The following NRXN1 variants were observed in gnomAD, a reference collection of about 807,000 sequenced individuals.
NRXN1 encodes neurexin 1.
In NRXN1, 39 loss-of-function variants were observed where a neutral mutation model predicts 150.9. The observed-to-expected ratio is 0.26, with a 90% CI of 0.20 to 0.34. NRXN1 has a LOEUF of 0.34. Ranked by LOEUF, NRXN1 falls within the 10% of genes least tolerant of loss-of-function variation. The pLI is 1.00. For synonymous variants in NRXN1, 924 were observed against 757.0 expected (o/e 1.22, Z -3.62); for missense variants, 1,815 against 1,949.9 (o/e 0.93, Z 1.30).
intron 17 of NRXN1, among the ~76,000 whole-genome samples, chr2:50,316,813 T>C (rs1388468751): frequency 6.6e-6 from 1 of 151,846 alleles, no homozygotes; most frequent in Admixed American, 6.6e-5. Flanking sequence ...TTTAATAAAA[T>C]AGGGTAAAAA....
chr2:50,117,361 T>C (rs1312724301), intron 18 of NRXN1, among the ~76,000 whole-genome samples: 2 of 152,100 alleles, frequency 1.3e-5, no homozygotes, highest in African/African-American at 4.8e-5. Context: ...AACCCAGAGA[T>C]GAATAAGGAG....
At chr2:51,021,159 T>A (rs1669542727) in intron 2 of NRXN1, among the ~76,000 whole-genome samples, 1 of 152,004 alleles carries the variant, frequency 6.6e-6, no homozygotes, top group Admixed American at 6.6e-5. Context: ...CAAAAAACTT[T>A]AAAAAATATA....
At chr2:50,999,447 C>T (rs1274187924) in intron 2 of NRXN1, among the ~76,000 whole-genome samples, 7 of 151,906 alleles carry the variant, frequency 4.6e-5, no homozygotes, top group Admixed American at 4.6e-4. Flanking sequence ...GGAAAAGGAG[C>T]AACACTTCTT....
At chr2:50,528,241 AT>A (rs3052538) in intron 12 of NRXN1, among the ~76,000 whole-genome samples, 1 of 151,118 alleles carries the variant, frequency 6.6e-6, no homozygotes, top group Non-Finnish European at 1.5e-5. Flanking sequence ...GGAATTAAGT[AT>A]TTTTTTTTGT....
At chr2:50,594,462 CATAGAGG>C (rs1224544815) in intron 8 of NRXN1, among the ~76,000 whole-genome samples, 1 of 152,076 alleles carries the variant, frequency 6.6e-6, no homozygotes, top group African/African-American at 2.4e-5. Flanking sequence ...ATGGGTGAGT[CATAGAGG>C]AAGTCATTTG....
chr2:50,165,389 C>T (rs1173639458), intron 18 of NRXN1, among the ~76,000 whole-genome samples: 6 of 152,174 alleles, frequency 3.9e-5, no homozygotes, highest in African/African-American at 1.4e-4. Flanking sequence ...CACTCTGTCA[C>T]CCAGGCTGGA....
intron 17 of NRXN1, among the ~76,000 whole-genome samples, chr2:50,404,198 T>C (rs1252575743): frequency 6.6e-6 from 1 of 152,056 alleles, no homozygotes; most frequent in Non-Finnish European, 1.5e-5. Flanking sequence ...TTGTTGTTGT[T>C]GTTTTTGGTC....
chr2:50,634,231 T>C (rs563994101), intron 5 of NRXN1, among the ~76,000 whole-genome samples: 15 of 152,350 alleles, frequency 9.8e-5, no homozygotes, highest in African/African-American at 3.4e-4. Flanking sequence ...CTCTGTCTAT[T>C]GTGTGGAAAA....
At chr2:49,939,894 G>A (rs1169067952) in intron 22 of NRXN1, among the ~76,000 whole-genome samples, 1 of 152,158 alleles carries the variant, frequency 6.6e-6, no homozygotes, top group Non-Finnish European at 1.5e-5. Context: ...TGTTGAAGCT[G>A]ATAACCCACC....
intron 17 of NRXN1, among the ~76,000 whole-genome samples, chr2:50,287,349 A>G (rs1401352555): frequency 6.6e-6 from 1 of 152,156 alleles, no homozygotes; most frequent in Non-Finnish European, 1.5e-5. Context: ...AGTGCTGGAA[A>G]GCATGAAAAA....
rs1330507998 is a variant in NRXN1 at position 50,364,528 on chromosome 2, A to T, written c.3364+100914T>A. 3.9e-5 allele frequency among the ~76,000 whole-genome samples: 6 copies of T among 152,256 alleles called. No homozygotes were observed. The East Asian group carries it at 9.7e-4, about 24-fold the overall frequency. On this transcript the variant is annotated intron_variant, in intron 17 of 22. Transcript: ENST00000401669. ...CATTGCTACATTATGCCAAATGCTT[A>T]ATTTCCCATTTTATGTTCCCTTGTC...
At chr2:50,869,501 A>C (rs1011135157) in intron 5 of NRXN1, among the ~76,000 whole-genome samples, 4 of 151,654 alleles carry the variant, frequency 2.6e-5, no homozygotes, top group Non-Finnish European at 4.4e-5. Context: ...CTCTGAGGAG[A>C]GAGAATGGAA....
intron 5 of NRXN1, among the ~76,000 whole-genome samples, chr2:50,686,490 A>G (rs879672934): frequency 9.2e-5 from 14 of 152,160 alleles, no homozygotes; most frequent in Non-Finnish European, 1.9e-4. Context: ...GGAGAAAATC[A>G]CCTTTCTTGT....
At chr2:50,869,320 C>CA (rs1677418251) in intron 5 of NRXN1, among the ~76,000 whole-genome samples, 1 of 151,634 alleles carries the variant, frequency 6.6e-6, no homozygotes, top group Non-Finnish European at 1.5e-5. Context: ...GAGAAATTAA[C>CA]AAGCAATACC....
At position 50,397,847 on chromosome 2, in the gene NRXN1, T is replaced by C. The variant is rs142706722; in HGVS notation, c.3364+67595A>G. Among the ~76,000 whole-genome samples the C allele has an allele frequency of 5.3e-4, 80 of 152,276 alleles. 6 individuals carry two copies. The highest frequency in any genetic ancestry group is 5.0e-3 in the East Asian group (26 of 5,166). ...TCCTTTATAGTAACAGAATTATTTC[T>C]GTATGAAAGGTTATTTAAAAAGTCA... On this transcript the variant is annotated intron_variant, in intron 17 of 22. Coordinates refer to ENST00000401669, the MANE Select transcript of NRXN1 (RefSeq NM_001330078.2).
chr2:50,749,173 A>C (rs1032885172), intron 5 of NRXN1, among the ~76,000 whole-genome samples: 45 of 152,126 alleles, frequency 3.0e-4, no homozygotes, highest in Non-Finnish European at 3.8e-4. Flanking sequence ...AATATACATC[A>C]GATTTTTTAA....
chr2:49,977,710 G>C (rs1401203899), intron 21 of NRXN1, among the ~76,000 whole-genome samples: 1 of 152,136 alleles, frequency 6.6e-6, no homozygotes, highest in Non-Finnish European at 1.5e-5. Context: ...AAGTGTGTTA[G>C]TAAAGAGATT....
intron 5 of NRXN1, among the ~76,000 whole-genome samples, chr2:50,824,850 AC>A (rs1670229408): frequency 6.6e-6 from 1 of 152,214 alleles, no homozygotes; most frequent in African/African-American, 2.4e-5. Flanking sequence ...AAGATGAATA[AC>A]AAGAGGGAAT....
At chr2:50,486,392 T>G (rs1367345286) in intron 15 of NRXN1, among the ~76,000 whole-genome samples, 1 of 152,216 alleles carries the variant, frequency 6.6e-6, no homozygotes, top group African/African-American at 2.4e-5. Flanking sequence ...TCTATTGATG[T>G]GCATGATTCA....
Sources: allele counts gnomAD v4.1 joint callset (sites outside exome capture counted in the v4.1 genomes callset), GRCh38; gene constraint gnomAD v4.1.1; transcripts MANE v1.5; gene names NCBI Gene and HGNC (gene_info 2026-07-23, HGNC 2026-07-21).